The following SDHAF3 variants were observed in gnomAD, a reference collection of about 807,000 sequenced individuals.
The protein encoded by SDHAF3 is succinate dehydrogenase complex assembly factor 3.
A neutral mutation model predicts 11.5 loss-of-function variants in SDHAF3; 18 were observed. The ratio of observed to expected loss-of-function variants is 1.56; its 90% CI spans 1.08 to 2.32. SDHAF3 has a LOEUF of 2.32. SDHAF3 is among the 30% of genes most tolerant of loss of function. The pLI, the probability that SDHAF3 is intolerant of heterozygous loss-of-function variation, is 0.00. For missense variants in SDHAF3, 200 were observed against 154.4 expected, an observed-to-expected ratio of 1.30 and a Z score of -1.57; for synonymous variants, 72 against 59.3, an observed-to-expected ratio of 1.21 and a Z score of -0.99.
intron 1 of SDHAF3, among the ~76,000 whole-genome samples, chr7:97,157,970 G>T (rs538790435): frequency 8.2e-6 from 1 of 122,680 alleles, no homozygotes; most frequent in Non-Finnish European, 1.7e-5. Context: ...GTTGTGGGGT[G>T]GGGGGTGGGG....
intron 1 of SDHAF3, among the ~76,000 whole-genome samples, chr7:97,178,968 A>C (rs1789730184): frequency 6.6e-6 from 1 of 152,126 alleles, no homozygotes; most frequent in African/African-American, 2.4e-5. Context: ...TCATGATTTT[A>C]GCTCTTATAT....
At chr7:97,139,598 T>C (rs1397546511) in intron 1 of SDHAF3, among the ~76,000 whole-genome samples, 1 of 152,224 alleles carries the variant, frequency 6.6e-6, no homozygotes, top group Admixed American at 6.5e-5. Context: ...ACTTTTAGGC[T>C]TTAAACTGCC....
intron 1 of SDHAF3, among the ~76,000 whole-genome samples, chr7:97,158,519 G>A (rs575699409): frequency 1.3e-5 from 2 of 152,076 alleles, no homozygotes; most frequent in African/African-American, 2.4e-5. Context: ...TAGAGACGGG[G>A]TTTCACCATG....
At chr7:97,122,114 C>T (rs542556161) in intron 1 of SDHAF3, among the ~76,000 whole-genome samples, 5 of 152,232 alleles carry the variant, frequency 3.3e-5, no homozygotes, top group African/African-American at 1.2e-4. Flanking sequence ...ACCTGGGCCT[C>T]CCAAATGCTG....
At chr7:97,134,826 C>G (rs554497854) in intron 1 of SDHAF3, among the ~76,000 whole-genome samples, 1 of 152,260 alleles carries the variant, frequency 6.6e-6, no homozygotes, top group South Asian at 2.1e-4. Flanking sequence ...ACACCCCTGA[C>G]TGTTTAATGC....
intron 1 of SDHAF3, among the ~76,000 whole-genome samples, chr7:97,175,459 T>C (rs554142891): frequency 6.6e-5 from 10 of 152,286 alleles, no homozygotes; most frequent in South Asian, 2.1e-4. Context: ...TTTGTGTTCG[T>C]GAGTTCTCAT....
chr7:97,119,748 A>G (rs1277741729), intron 1 of SDHAF3, among the ~76,000 whole-genome samples: 2 of 152,112 alleles, frequency 1.3e-5, no homozygotes, highest in Non-Finnish European at 2.9e-5. Context: ...CCGTCTTCCT[A>G]TCTTTCATTA....
At chr7:97,120,760 ATTTG>A (rs1791479382) in intron 1 of SDHAF3, among the ~76,000 whole-genome samples, 1 of 152,140 alleles carries the variant, frequency 6.6e-6, no homozygotes. Flanking sequence ...TGGATTCTGA[ATTTG>A]TTTTACATCA....
intron 1 of SDHAF3, among the ~76,000 whole-genome samples, chr7:97,178,545 T>C (rs946793913): frequency 1.3e-5 from 2 of 152,160 alleles, no homozygotes; most frequent in African/African-American, 4.8e-5. Context: ...TTTAAAAAAT[T>C]ATTATAGTAG....
chr7:97,124,458 G>T (rs1018393347), intron 1 of SDHAF3, among the ~76,000 whole-genome samples: 2 of 152,112 alleles, frequency 1.3e-5, no homozygotes, highest in African/African-American at 4.8e-5. Flanking sequence ...TTTTGCTTAG[G>T]ATTGTCTTGG....
chr7:97,139,548 C>T (rs1788999034), intron 1 of SDHAF3, among the ~76,000 whole-genome samples: 2 of 152,180 alleles, frequency 1.3e-5, no homozygotes, highest in South Asian at 2.1e-4. Context: ...AAGAGAGGTT[C>T]TCAATCTGGC....
At chr7:97,166,542 G>T (rs1041815370) in intron 1 of SDHAF3, among the ~76,000 whole-genome samples, 37 of 152,176 alleles carry the variant, frequency 2.4e-4, no homozygotes, top group African/African-American at 8.9e-4. Context: ...CTTTTGGAGA[G>T]AACAGATTGT....
intron 1 of SDHAF3, among the ~76,000 whole-genome samples, chr7:97,122,584 G>A (rs1409460829): frequency 6.6e-6 from 1 of 151,758 alleles, no homozygotes; most frequent in Non-Finnish European, 1.5e-5. Context: ...GAAGAAAACA[G>A]AATGGATAAC....
chr7:97,133,760 C>T (rs1020070189), intron 1 of SDHAF3, among the ~76,000 whole-genome samples: 10 of 152,172 alleles, frequency 6.6e-5, no homozygotes, highest in African/African-American at 1.9e-4. Flanking sequence ...TTGTGTTCTT[C>T]TTTACTCCTA....
In SDHAF3 at chr7:97,165,483, T is replaced by G. The variant is rs142158917; in HGVS notation, c.175-15529T>G. Among the ~76,000 whole-genome samples, 184 of 151,878 alleles carry G rather than the reference T, an allele frequency of 1.2e-3. 1 individual carries two copies. Among genetic ancestry groups the G allele is most frequent in the Admixed American group, 3.2e-3 (49 of 15,222 alleles). ...TTTCAAATGTGGAATTAAATGGACT[T>G]TGCTGCCTTTTTAATAATACTTTTT... On this transcript the variant is annotated intron_variant, in intron 1 of 1. Coordinates refer to ENST00000432641, the MANE Select transcript of SDHAF3 (RefSeq NM_020186.3).
At chr7:97,162,149 C>G (rs893565659) in intron 1 of SDHAF3, among the ~76,000 whole-genome samples, 1 of 152,192 alleles carries the variant, frequency 6.6e-6, no homozygotes, top group Non-Finnish European at 1.5e-5. Context: ...GATGGTATCT[C>G]ATTGTGGTTT....
intron 1 of SDHAF3, among the ~76,000 whole-genome samples, chr7:97,126,195 C>T (rs1200771975): frequency 6.6e-6 from 1 of 152,198 alleles, no homozygotes; most frequent in Non-Finnish European, 1.5e-5. Flanking sequence ...GGGGCACCAG[C>T]CTGATGCCAG....
chr7:97,151,851 C>T (rs1326316612), intron 1 of SDHAF3, among the ~76,000 whole-genome samples: 3 of 152,036 alleles, frequency 2.0e-5, no homozygotes, highest in South Asian at 2.1e-4. Context: ...CATCTTTAGG[C>T]AGATTAGGGG....
intron 1 of SDHAF3, among the ~76,000 whole-genome samples, chr7:97,152,555 C>T (rs1285824881): frequency 6.6e-6 from 1 of 152,134 alleles, no homozygotes; most frequent in Non-Finnish European, 1.5e-5. Flanking sequence ...TTAGGTTTTA[C>T]AGTAGTAATG....
Sources: gnomAD v4.1 joint callset for allele counts (sites outside exome capture counted in the v4.1 genomes callset) on GRCh38, gnomAD v4.1.1 for gene constraint, MANE v1.5 for transcripts, NCBI Gene and HGNC (gene_info 2026-07-23, HGNC 2026-07-21) for gene names.